MTUS2: variants seen among roughly 807,000 people sequenced by gnomAD.
MTUS2 encodes microtubule associated scaffold protein 2, also known as microtubule-associated tumor suppressor candidate 2.
Under a neutral mutation model 114.1 loss-of-function variants are expected in MTUS2, and 40 were observed. The observed-to-expected ratio is 0.35, with a 90% CI of 0.27 to 0.46. MTUS2 has a LOEUF of 0.46. Ranked by LOEUF, MTUS2 falls within the 20% of genes least tolerant of loss-of-function variation. The probability of loss-of-function intolerance (pLI) is 1.00; values close to 1 mark genes in which losing one functional copy is unlikely to be tolerated. For missense variants in MTUS2, 1,679 were observed against 1,705.4 expected (o/e 0.98, Z 0.27); for synonymous variants, 688 against 672.0 (o/e 1.02, Z -0.37).
At chr13:28,845,114 T>C (rs1374905830) in intron 2 of MTUS2, among the ~76,000 whole-genome samples, 4 of 152,080 alleles carry the variant, frequency 2.6e-5, no homozygotes, top group Non-Finnish European at 5.9e-5. Flanking sequence ...TCACCAGGCC[T>C]GGCCAGTTTT....
intron 2 of MTUS2, among the ~76,000 whole-genome samples, chr13:28,887,727 G>A (rs559714569): frequency 1.3e-5 from 2 of 152,284 alleles, no homozygotes; most frequent in African/African-American, 4.8e-5. Context: ...GCACATGTGA[G>A]GAGGGTCCCT....
chr13:29,294,118 G>GTTA (rs1167989476), intron 6 of MTUS2, among the ~76,000 whole-genome samples: 1 of 151,946 alleles, frequency 6.6e-6, no homozygotes, highest in East Asian at 1.9e-4. Flanking sequence ...GAGCATGAAG[G>GTTA]TTACAGAAAA....
intron 5 of MTUS2, among the ~76,000 whole-genome samples, chr13:29,174,674 G>A (rs772305191): frequency 2.6e-5 from 4 of 152,040 alleles, no homozygotes; most frequent in Non-Finnish European, 5.9e-5. Context: ...TAGTGGTTGC[G>A]GTTTTCTTAT....
Position 28,938,995 on chromosome 13 carries a change from T to C in MTUS2, c.-242-85462T>C, listed in dbSNP as rs564836978. ...TACACTTGTAATTTCTTCATTCTGC[T>C]TCACATTTCTAGACTTTTCAGGAAT... On this transcript the variant is annotated intron_variant, in intron 2 of 15. Transcript: ENST00000612955. Among the ~76,000 whole-genome samples, 5 of 152,362 alleles carry C rather than the reference T, an allele frequency of 3.3e-5. No homozygotes were observed. The South Asian group carries it at 1.0e-3, about 32-fold the overall frequency.
At chr13:28,960,508 A>G (rs1448411640) in intron 2 of MTUS2, among the ~76,000 whole-genome samples, 4 of 152,232 alleles carry the variant, frequency 2.6e-5, no homozygotes, top group East Asian at 1.9e-4. Context: ...ATACAATTGA[A>G]TGTTATTCAG....
chr13:28,831,127 A>G (rs947654620), intron 1 of MTUS2, among the ~76,000 whole-genome samples: 1 of 147,806 alleles, frequency 6.8e-6, no homozygotes, highest in Admixed American at 6.9e-5. Flanking sequence ...ATAAAAGAGT[A>G]CAAACCACTA....
chr13:29,307,012 G>T, intron 6 of MTUS2: 1 of 533,990 alleles, frequency 1.9e-6, no homozygotes, highest in South Asian at 1.5e-5. Flanking sequence ...CATCTTCCAG[G>T]AGCGAGATCC....
intron 5 of MTUS2, among the ~76,000 whole-genome samples, chr13:29,182,658 A>G (rs1332137163): frequency 6.6e-6 from 1 of 152,256 alleles, no homozygotes; most frequent in African/African-American, 2.4e-5. Context: ...CTAGCAGAAG[A>G]TGACAAATAG....
chr13:29,124,794 C>A (rs2138925789), intron 5 of MTUS2, among the ~76,000 whole-genome samples: 1 of 152,252 alleles, frequency 6.6e-6, no homozygotes, highest in African/African-American at 2.4e-5. Flanking sequence ...CATGGGTGAA[C>A]CTTGAGTACA....
chr13:29,502,878 C>A, intron 15 of MTUS2, 115 bp from the exon 16 acceptor site: 1 of 1,007,190 alleles, frequency 9.9e-7, no homozygotes, highest in Non-Finnish European at 1.5e-6. Flanking sequence ...CACCCTGGTC[C>A]CTGTTCTCCC....
intron 4 of MTUS2, among the ~76,000 whole-genome samples, chr13:29,071,767 AG>A (rs1279481534): frequency 6.6e-6 from 1 of 152,102 alleles, no homozygotes; most frequent in Non-Finnish European, 1.5e-5. Flanking sequence ...TTATGCTGGA[AG>A]ATTTTCTCAA....
intron 1 of MTUS2, among the ~76,000 whole-genome samples, chr13:28,823,445 G>T (rs1004388377): frequency 2.0e-5 from 3 of 152,178 alleles, no homozygotes; most frequent in African/African-American, 4.8e-5. Context: ...ATGTGAATTT[G>T]GATGCCTTTA....
chr13:29,024,886 C>T lies in MTUS2; in HGVS notation c.188C>T (p.Thr63Ile). Residue 63 changes from threonine (T) to isoleucine (I), a missense_variant, in exon 3 of 16, where the codon ACA (threonine) becomes ATA (isoleucine). Around this residue, in one of 3 missense-constraint regions of MTUS2, gnomAD observed 843 missense variants for 770.8 expected, o/e 1.09. Transcript: ENST00000612955. ...TCDLGDEIGNTNSSEPENRTH... is the reference protein window; with the variant it reads ...TCDLGDEIGNINSSEPENRTH... ...GACCTGGGAGATGAAATTGGAAATA[C>T]AAATTCAAGTGAGCCAGAAAACCGT... 6.2e-7 allele frequency: 1 copy of T among 1,613,880 alleles called. No homozygotes were observed. Among genetic ancestry groups the T allele is most frequent in the Non-Finnish European group, 8.5e-7 (1 of 1,179,830 alleles).
chr13:29,300,344 T>C lies in MTUS2; in HGVS notation c.2806+18479T>C, dbSNP rs115865798. The stretch of plus-strand genomic sequence containing the variant: ...TAAGAGCATATACACATATTGTATT[T>C]AAAATGTTGCACACCTGGTATTTTG... On this transcript the variant is annotated intron_variant, in intron 6 of 15. Transcript: ENST00000612955. Among the ~76,000 whole-genome samples, 809 of 152,292 alleles carry C rather than the reference T, an allele frequency of 5.3e-3. 6 individuals carry two copies. The highest frequency in any genetic ancestry group is 0.018 in the African/African-American group (768 of 41,570).
rs150460832 is a variant in MTUS2 at position 28,852,361 on chromosome 13, T to C, written c.-243+12511T>C. On this transcript the variant is annotated intron_variant, in intron 2 of 15. Transcript: ENST00000612955. ...TATTCTCCGTTATTTCCCCACACCT[T>C]GGATGGGGTCTGGTATACAGGAGGC... Among the ~76,000 whole-genome samples, 479 of 152,138 alleles carry C rather than the reference T, an allele frequency of 3.1e-3. 1 individual carries two copies. Among genetic ancestry groups the C allele is most frequent in the African/African-American group, 0.011 (458 of 41,488 alleles).
intron 2 of MTUS2, among the ~76,000 whole-genome samples, chr13:28,980,544 G>T (rs965826538): frequency 6.6e-6 from 1 of 152,110 alleles, no homozygotes; most frequent in African/African-American, 2.4e-5. Flanking sequence ...TCACTTAAGG[G>T]TACATCCTAG....
chr13:29,278,394 A>G (rs746672622), intron 5 of MTUS2, among the ~76,000 whole-genome samples: 1 of 152,172 alleles, frequency 6.6e-6, no homozygotes, highest in Non-Finnish European at 1.5e-5. Flanking sequence ...CTGATACCCA[A>G]TACAGAATCC....
At chr13:29,050,818 T>A (rs1340819859) in intron 4 of MTUS2, among the ~76,000 whole-genome samples, 1 of 152,016 alleles carries the variant, frequency 6.6e-6, no homozygotes, top group Non-Finnish European at 1.5e-5. Context: ...TTTGCACAAG[T>A]AGTACGTTCC....
chr13:28,927,447 T>TC (rs1341064788), intron 2 of MTUS2, among the ~76,000 whole-genome samples: 1 of 152,080 alleles, frequency 6.6e-6, no homozygotes, highest in Non-Finnish European at 1.5e-5. Context: ...GCACCTGTAG[T>TC]CCCAGCTGCT....
Sources: allele counts gnomAD v4.1 joint callset (sites outside exome capture counted in the v4.1 genomes callset), GRCh38; gene constraint gnomAD v4.1.1; regional missense constraint gnomAD v4.1.1; transcripts MANE v1.5; gene names NCBI Gene and HGNC (gene_info 2026-07-23, HGNC 2026-07-21).